SERAC1: variants seen among roughly 807,000 people sequenced by gnomAD.
SERAC1 encodes serine active site containing 1.
In SERAC1, 36 loss-of-function variants were observed where a neutral mutation model predicts 85.7. The observed-to-expected ratio is 0.42, with a 90% CI of 0.32 to 0.55. The LOEUF is 0.55. Among genes scored for constraint, SERAC1 ranks in the 20% least tolerant of loss-of-function variants. The pLI is 0.11. For synonymous variants in SERAC1, 242 were observed against 265.3 expected (o/e 0.91, Z 0.85); for missense variants, 629 against 796.2 (o/e 0.79, Z 2.53).
rs1348995931 is a variant in SERAC1 at position 158,127,273 on chromosome 6, C to T, written c.1015+835G>A. On this transcript the variant is annotated intron_variant, in intron 10 of 16. Transcript: ENST00000647468. The stretch of plus-strand genomic sequence containing the variant: ...ATCTCGGCCCCCCCGCCCAGCCAGC[C>T]GCCCTGTCCGGGAGGTGAGGGGCGC... Among the ~76,000 whole-genome samples, 48 of 31,142 alleles carry T rather than the reference C, an allele frequency of 1.5e-3. 13 individuals are homozygous for T. Among genetic ancestry groups the T allele is most frequent in the African/African-American group, 4.0e-3 (40 of 10,016 alleles). 20.4% of individuals were successfully genotyped at this position (31,142 alleles called of 152,430 possible). A position where few individuals can be genotyped will look rare whatever the true frequency, so the allele number is the denominator to read the frequency against.
chr6:158,118,991 G>T, intron 12 of SERAC1, 38 bp downstream of exon 12: 1 of 1,584,674 alleles, frequency 6.3e-7, no homozygotes, highest in African/African-American at 1.4e-5. Flanking sequence ...AGCAACCAGG[G>T]CCCCAGCAAC....
intron 3 of SERAC1, among the ~76,000 whole-genome samples, chr6:158,152,077 T>C (rs75959909): frequency 6.6e-6 from 1 of 152,116 alleles, no homozygotes; most frequent in Non-Finnish European, 1.5e-5. Flanking sequence ...GAAAAAAATA[T>C]TGTTTTATAA....
chr6:158,147,768 C>CAAAAAAAAAAAAAAAAAA, intron 5 of SERAC1, among the ~76,000 whole-genome samples: 1 of 68,934 alleles, frequency 1.5e-5, no homozygotes, highest in Non-Finnish European at 2.5e-5. Context: ...GGCTCTGTCT[C>CAAAAAAAAAAAAAAAAAA]AAAAAAAAAA....
intron 8 of SERAC1, among the ~76,000 whole-genome samples, chr6:158,137,842 G>GTACTCT (rs1285044418): frequency 6.6e-6 from 1 of 151,968 alleles, no homozygotes; most frequent in East Asian, 1.9e-4. Context: ...CCATGCCACC[G>GTACTCT]TACTCCAACC....
intron 3 of SERAC1, among the ~76,000 whole-genome samples, chr6:158,152,561 A>ATATC (rs1205507656): frequency 6.6e-6 from 1 of 152,114 alleles, no homozygotes; most frequent in African/African-American, 2.4e-5. Flanking sequence ...CAGTGTTGAT[A>ATATC]AAGTCTATAG....
chr6:158,121,157 A>C (rs1423301368), intron 10 of SERAC1, among the ~76,000 whole-genome samples: 1 of 152,112 alleles, frequency 6.6e-6, no homozygotes, highest in African/African-American at 2.4e-5. Context: ...TTGTTTTTAA[A>C]ACTTTATATA....
intron 1 of SERAC1, among the ~76,000 whole-genome samples, chr6:158,163,232 G>T (rs1222413621): frequency 6.6e-6 from 1 of 152,138 alleles, no homozygotes; most frequent in Non-Finnish European, 1.5e-5. Flanking sequence ...GTTTGTTTTA[G>T]CCCGTAGCCT....
At position 158,111,347 on chromosome 6, in the gene SERAC1, A is replaced by AACTGG. The variant is rs754950981; in HGVS notation, c.*14_*18dup. The AACTGG allele has an allele frequency of 3.2e-6, 5 of 1,563,550 alleles. No individual in the cohort carries two copies. The highest frequency in any genetic ancestry group is 2.1e-5 in the Admixed American group (1 of 48,374). On this transcript the variant is annotated 3_prime_UTR_variant, in exon 17 of 17. Transcript: ENST00000647468. ...TTCTTGCACTGAATTCACATATGAA[A>AACTGG]ACTGGAAGAGCACAACTGTTAGTTT...
intron 3 of SERAC1, among the ~76,000 whole-genome samples, chr6:158,154,714 C>T (rs1785284606): frequency 6.6e-6 from 1 of 152,186 alleles, no homozygotes; most frequent in South Asian, 2.1e-4. Flanking sequence ...GCCTCAATTT[C>T]CTTTCATGCG....
At chr6:158,139,819 T>C (rs1784875469) in intron 8 of SERAC1, among the ~76,000 whole-genome samples, 1 of 152,186 alleles carries the variant, frequency 6.6e-6, no homozygotes, top group Non-Finnish European at 1.5e-5. Context: ...GATATGTAAG[T>C]GCCAACAGCA....
rs202197657 is a variant in SERAC1, at chr6:158,130,449, T to C, written c.776A>G (p.Tyr259Cys). 2.5e-6 allele frequency: 4 copies of C among 1,604,370 alleles called. No homozygotes were observed. The highest frequency in any genetic ancestry group is 3.4e-6 in the Non-Finnish European group (4 of 1,176,730). The change falls in exon 9 of 17, where the codon TAT becomes TGT. Residue 259 changes from tyrosine (Y) to cysteine (C), a missense_variant. Physicochemically the swap from Tyr to Cys is radical, Grantham distance 194 (BLOSUM62 -2). Transcript: ENST00000647468. Reference sequence around the variant, plus strand: ...AGGAACTTCTCCAAAACTTTCAGCATAAGGAAGTCCATTTCCTCCAAAACA... The same window carrying C: ...AGGAACTTCTCCAAAACTTTCAGCACAAGGAAGTCCATTTCCTCCAAAACA... ...LWCFGGNGLP[Y>C]AESFGEVPSA...
intron 5 of SERAC1, among the ~76,000 whole-genome samples, chr6:158,147,318 T>C (rs1460311533): frequency 6.6e-6 from 1 of 151,954 alleles, no homozygotes; most frequent in Non-Finnish European, 1.5e-5. Context: ...TTTTTTTTTT[T>C]TTCTAGAGAC....
At chr6:158,131,173 A>G (rs1784662810) in intron 8 of SERAC1, among the ~76,000 whole-genome samples, 1 of 151,480 alleles carries the variant, frequency 6.6e-6, no homozygotes, top group African/African-American at 2.4e-5. Context: ...AATATGCAAT[A>G]ATCTCCTACA....
chr6:158,111,529 C>A, intron 16 of SERAC1, 27 bp from the exon 17 acceptor site: 1 of 1,544,698 alleles, frequency 6.5e-7, no homozygotes, highest in Non-Finnish European at 8.7e-7. Flanking sequence ...AGTCAATAAA[C>A]CTAAGTAAAA....
In SERAC1 at chr6:158,117,915, C is replaced by A; in HGVS notation, c.1309-94G>T. 1 of 917,828 alleles carries A rather than the reference C, an allele frequency of 1.1e-6. No homozygotes were observed. Among genetic ancestry groups the A allele is most frequent in the Non-Finnish European group, 1.7e-6 (1 of 584,420 alleles). The allele number at this position is 917,828 out of a possible 1,614,324, so 56.9% of individuals were successfully genotyped here. Reference sequence around the variant, plus strand: ...CAAATTTATAACTAAAGGCCTCTTGCACTATAATTAAAGATAGCACTGGAA... The same window carrying A: ...CAAATTTATAACTAAAGGCCTCTTGAACTATAATTAAAGATAGCACTGGAA... On this transcript the variant is annotated intron_variant, in intron 12 of 16. Transcript: ENST00000647468. The surrounding 1 kb of genome is among the most constrained non-coding windows in gnomAD (Gnocchi z 4.3).
chr6:158,167,570 A>G (rs1156486056), intron 1 of SERAC1, among the ~76,000 whole-genome samples: 1 of 151,464 alleles, frequency 6.6e-6, no homozygotes, highest in African/African-American at 2.4e-5. Flanking sequence ...GCATGAGCTT[A>G]ATGCGGGAAG....
chr6:158,135,586 C>CA (rs1362223844), intron 8 of SERAC1, among the ~76,000 whole-genome samples: 2 of 151,784 alleles, frequency 1.3e-5, no homozygotes, highest in African/African-American at 4.8e-5. Context: ...ATGGAGTATT[C>CA]AAATATTAGA....
chr6:158,165,938 T>TA (rs1489344580), intron 1 of SERAC1, among the ~76,000 whole-genome samples: 5 of 151,580 alleles, frequency 3.3e-5, no homozygotes, highest in African/African-American at 7.3e-5. Context: ...CAGAGACATT[T>TA]AAAAAAAAAG....
At chr6:158,154,451 T>C (rs1785278949) in intron 3 of SERAC1, among the ~76,000 whole-genome samples, 1 of 152,146 alleles carries the variant, frequency 6.6e-6, no homozygotes, top group Non-Finnish European at 1.5e-5. Context: ...CATGGAGAAA[T>C]GTATGCATTT....
Sources: gnomAD v4.1 joint callset for allele counts (sites outside exome capture counted in the v4.1 genomes callset) on GRCh38, gnomAD v4.1.1 for gene constraint, Gnocchi (gnomAD v3.1) non-coding constraint, MANE v1.5 for transcripts, NCBI Gene and HGNC (gene_info 2026-07-23, HGNC 2026-07-21) for gene names.